Variants in GRID1 observed in about 807,000 individuals in gnomAD.
GRID1 encodes the protein glutamate ionotropic receptor delta type subunit 1, also known as glutamate receptor ionotropic, delta-1.
A neutral mutation model predicts 98.0 loss-of-function variants in GRID1; 28 were observed. The ratio of observed to expected loss-of-function variants is 0.29; its 90% CI spans 0.21 to 0.39. GRID1 has a LOEUF of 0.39. Ranked by LOEUF, GRID1 falls within the 10% of genes least tolerant of loss-of-function variation. The pLI, the probability that GRID1 is intolerant of heterozygous loss-of-function variation, is 1.00. For synonymous variants in GRID1, 553 were observed against 538.5 expected, an observed-to-expected ratio of 1.03 and a Z score of -0.37; for missense variants, 1,111 against 1,340.5, an observed-to-expected ratio of 0.83 and a Z score of 2.67.
At chr10:86,344,480 C>G (rs557486226) in intron 2 of GRID1, among the ~76,000 whole-genome samples, 1 of 152,226 alleles carries the variant, frequency 6.6e-6, no homozygotes, top group African/African-American at 2.4e-5. Flanking sequence ...GTGCCCCACA[C>G]TGGACCAGAA....
At position 85,613,416 on chromosome 10, in the gene GRID1, G is replaced by C. The variant is rs751197552; in HGVS notation, c.2592C>G (p.Thr864=). The C allele has an allele frequency of 6.2e-7, 1 of 1,612,826 alleles. No individual in the cohort carries two copies. Among genetic ancestry groups the C allele is most frequent in the Admixed American group, 1.7e-5 (1 of 59,960 alleles). ...GCCCCAGGGTGCTGACCTCCTTGGG[G>C]GTCTCCTGGTGGCACCGGTTGCTGT... ...WWNSNRCHQE[T]PKEDKEVNLE... is the part of the protein sequence containing the mutation. The change falls in exon 15 of 16, where the codon ACC becomes ACG. Residue 864 remains threonine (T), a synonymous_variant. Coordinates refer to ENST00000327946, the MANE Select transcript of GRID1 (RefSeq NM_017551.3).
At chr10:85,791,424 G>A (rs1040374978) in intron 8 of GRID1, among the ~76,000 whole-genome samples, 4 of 152,164 alleles carry the variant, frequency 2.6e-5, no homozygotes, top group Admixed American at 2.6e-4. Flanking sequence ...AGGACAAAGT[G>A]AATCAAAAAC....
chr10:86,287,622 G>A (rs995863834), intron 2 of GRID1, among the ~76,000 whole-genome samples: 1 of 152,194 alleles, frequency 6.6e-6, no homozygotes, highest in Non-Finnish European at 1.5e-5. Context: ...GAGTCCACAG[G>A]AGAGGGCTGG....
At chr10:86,338,612 C>A (rs1213338738) in intron 2 of GRID1, among the ~76,000 whole-genome samples, 1 of 152,184 alleles carries the variant, frequency 6.6e-6, no homozygotes, top group African/African-American at 2.4e-5. Flanking sequence ...GGCTGGAGTT[C>A]AGTGGCGCAA....
At chr10:86,067,093 G>A (rs539772215) in intron 4 of GRID1, among the ~76,000 whole-genome samples, 23 of 152,288 alleles carry the variant, frequency 1.5e-4, no homozygotes, top group African/African-American at 5.1e-4. Flanking sequence ...AATGAGGCAC[G>A]CAGGATGCCT....
At chr10:86,044,434 C>T (rs1015737134) in intron 4 of GRID1, among the ~76,000 whole-genome samples, 1 of 152,190 alleles carries the variant, frequency 6.6e-6, no homozygotes, top group Admixed American at 6.5e-5. Context: ...AGTGCTAGAA[C>T]TGGGACATTG....
intron 4 of GRID1, among the ~76,000 whole-genome samples, chr10:86,012,667 G>C (rs1361553603): frequency 3.9e-5 from 6 of 152,126 alleles, no homozygotes; most frequent in African/African-American, 1.4e-4. Context: ...GAGGTAACTG[G>C]ATCATGAAGT....
At position 85,908,009 on chromosome 10, in the gene GRID1, G is replaced by A. The variant is rs182812857; in HGVS notation, c.780+8177C>T. Among the ~76,000 whole-genome samples the A allele has an allele frequency of 9.2e-5, 14 of 152,222 alleles. No homozygotes were observed. In the East Asian group the frequency reaches 2.5e-3, roughly 27 times the overall value. On this transcript the variant is annotated intron_variant, in intron 5 of 15. Transcript: ENST00000327946. ...TTCCTGATAAAAACTCACCAGTCTA[G>A]GAATGGAAGAGAACTTTCCCAATCT...
chr10:86,363,833 A>C (rs1388137688), intron 2 of GRID1, 108 bp downstream of exon 2: 4 of 922,608 alleles, frequency 4.3e-6, no homozygotes, highest in Non-Finnish European at 4.9e-6. Flanking sequence ...CTGCCGAGGA[A>C]CAGAGGGTGC....
At chr10:86,253,742 C>T (rs894048233) in intron 2 of GRID1, among the ~76,000 whole-genome samples, 30 of 152,178 alleles carry the variant, frequency 2.0e-4, no homozygotes, top group African/African-American at 7.0e-4. Context: ...GGGAAATAGG[C>T]CAATGTCCGT....
At chr10:86,055,613 C>T (rs1286308946) in intron 4 of GRID1, among the ~76,000 whole-genome samples, 3 of 152,124 alleles carry the variant, frequency 2.0e-5, no homozygotes, top group Non-Finnish European at 4.4e-5. Context: ...CATGATGGTG[C>T]ACGCCTGTAA....
chr10:85,841,368 A>C (rs1842960179), intron 8 of GRID1, among the ~76,000 whole-genome samples: 1 of 152,218 alleles, frequency 6.6e-6, no homozygotes, highest in Non-Finnish European at 1.5e-5. Context: ...TAAAGCCCCA[A>C]ACTACAAAAA....
intron 8 of GRID1, among the ~76,000 whole-genome samples, chr10:85,771,620 A>T (rs549613480): frequency 2.6e-5 from 4 of 152,192 alleles, no homozygotes; most frequent in Admixed American, 2.6e-4. Flanking sequence ...ATAAAAGGAT[A>T]GAGGAAGATC....
intron 4 of GRID1, among the ~76,000 whole-genome samples, chr10:86,061,587 C>T (rs887924052): frequency 1.2e-4 from 18 of 152,218 alleles, no homozygotes; most frequent in African/African-American, 3.4e-4. Context: ...CAAAGCCTGG[C>T]ACTGTGATTC....
At chr10:86,313,805 C>G (rs1847863466) in intron 2 of GRID1, among the ~76,000 whole-genome samples, 1 of 152,218 alleles carries the variant, frequency 6.6e-6, no homozygotes, top group Non-Finnish European at 1.5e-5. Context: ...CCCCAGCCCC[C>G]AGACTGGCGC....
At chr10:85,915,548 C>T (rs1450954170) in intron 5 of GRID1, among the ~76,000 whole-genome samples, 1 of 151,724 alleles carries the variant, frequency 6.6e-6, no homozygotes, top group Non-Finnish European at 1.5e-5. Flanking sequence ...TACACTTGCA[C>T]ATGCATGCAC....
rs558833517 is a variant in GRID1 at position 85,665,669 on chromosome 10, G to C, written c.1998-18272C>G. On this transcript the variant is annotated intron_variant, in intron 12 of 15. Coordinates refer to ENST00000327946, the MANE Select transcript of GRID1 (RefSeq NM_017551.3). ...ACCATCTTCTGGAGCCAAAAATAAA[G>C]GAGTATTGATTGCAAAGATTAATAA... Among the ~76,000 whole-genome samples, 3 of 152,238 alleles carry C rather than the reference G, an allele frequency of 2.0e-5. No homozygotes were observed. In the South Asian group the frequency reaches 6.2e-4, roughly 32 times the overall value.
At chr10:86,112,949 G>A (rs1038407379) in intron 4 of GRID1, among the ~76,000 whole-genome samples, 1 of 152,112 alleles carries the variant, frequency 6.6e-6, no homozygotes, top group Non-Finnish European at 1.5e-5. Context: ...ATGAGTAGAA[G>A]ACACCCCTAG....
intron 12 of GRID1, among the ~76,000 whole-genome samples, chr10:85,665,077 T>G (rs1401670250): frequency 6.6e-6 from 1 of 152,186 alleles, no homozygotes; most frequent in Non-Finnish European, 1.5e-5. Flanking sequence ...AGAACTATTA[T>G]TATTAGTGCT....
Sources: allele counts gnomAD v4.1 joint callset (sites outside exome capture counted in the v4.1 genomes callset), GRCh38; gene constraint gnomAD v4.1.1; transcripts MANE v1.5; gene names NCBI Gene and HGNC (gene_info 2026-07-23, HGNC 2026-07-21).